TMEM242: variants seen among roughly 807,000 people sequenced by gnomAD.
TMEM242 encodes the protein transmembrane protein 242.
Under a neutral mutation model 18.2 loss-of-function variants are expected in TMEM242, and 10 were observed. That is an observed-to-expected ratio of 0.55 (90% CI 0.34 to 0.93). TMEM242 has a LOEUF of 0.93. Ranked by LOEUF, TMEM242 falls within the 40% of genes least tolerant of loss-of-function variation. TMEM242 has a pLI of 0.02. For synonymous variants in TMEM242, 57 were observed against 69.9 expected (o/e 0.81, Z 0.92); for missense variants, 186 against 175.5 (o/e 1.06, Z -0.34).
At chr6:157,294,134 G>A (rs1297265782) in intron 3 of TMEM242, among the ~76,000 whole-genome samples, 1 of 152,128 alleles carries the variant, frequency 6.6e-6, no homozygotes, top group Non-Finnish European at 1.5e-5. Context: ...GAAGTTAGGT[G>A]ATCTTTACAT....
In TMEM242 at chr6:157,299,484, G is replaced by T. The variant is rs1461735060; in HGVS notation, c.328-6485C>A. On this transcript the variant is annotated intron_variant, in intron 3 of 3. Transcript: ENST00000400788. ...TTTTCAGAGTGGATACCAAGCTTTT[G>T]TCCAAACAAGAAACAAAAACGAGCA... 349 of 1,415,834 alleles carry T rather than the reference G, an allele frequency of 2.5e-4. 1 individual carries two copies. The highest frequency in any genetic ancestry group is 1.4e-3 in the Middle Eastern group (8 of 5,640). 87.7% of individuals were successfully genotyped at this position (1,415,834 alleles called of 1,614,324 possible).
chr6:157,312,552 CAT>C (rs1778197647), intron 3 of TMEM242, among the ~76,000 whole-genome samples: 5 of 144,264 alleles, frequency 3.5e-5, no homozygotes, highest in African/African-American at 5.2e-5. Context: ...CTAGCCTCAT[CAT>C]AGTGCCCCAG....
At position 157,290,233 on chromosome 6, in the gene TMEM242, G is replaced by A. The variant is rs1034336330; in HGVS notation, c.*2668C>T. The A allele has an allele frequency of 6.6e-6, 1 of 152,278 alleles. No homozygotes were observed. Among genetic ancestry groups the A allele is most frequent in the South Asian group, 2.1e-4 (1 of 4,820 alleles). 9.4% of individuals were successfully genotyped at this position (152,278 alleles called of 1,614,324 possible). A position where few individuals can be genotyped will look rare whatever the true frequency, so the allele number is the denominator to read the frequency against. ...ACCCAGTGGAAGCAACAGCCTTACC[G>A]AAAGCCTCCTTAATGTTGGCTTAGA... On this transcript the variant is annotated 3_prime_UTR_variant, in exon 4 of 4. Transcript: ENST00000400788.
At chr6:157,315,452 A>G (rs1778371548) in intron 3 of TMEM242, among the ~76,000 whole-genome samples, 1 of 152,232 alleles carries the variant, frequency 6.6e-6, no homozygotes. Flanking sequence ...CTTCTCAAAC[A>G]TGGAGATCAA....
At chr6:157,299,457 A>G in intron 3 of TMEM242, 1 of 1,364,114 alleles carries the variant, frequency 7.3e-7, no homozygotes, top group Non-Finnish European at 1.0e-6. Flanking sequence ...CATCCGTGGC[A>G]GTTTTCAGAG....
At chr6:157,313,868 T>TGGCCTC (rs1778311527) in intron 3 of TMEM242, among the ~76,000 whole-genome samples, 1 of 15,388 alleles carries the variant, frequency 6.5e-5, no homozygotes, top group African/African-American at 2.7e-4. Context: ...TGCACTCCCC[T>TGGCCTC]AGCCTCATCA....
chr6:157,296,643 A>T (rs1777753667), intron 3 of TMEM242, among the ~76,000 whole-genome samples: 1 of 152,238 alleles, frequency 6.6e-6, no homozygotes, highest in African/African-American at 2.4e-5. Flanking sequence ...AAAGCATGCC[A>T]CTGCACTCCA....
At chr6:157,310,368 C>G (rs1047872660) in intron 3 of TMEM242, among the ~76,000 whole-genome samples, 21 of 139,768 alleles carry the variant, frequency 1.5e-4, no homozygotes, top group Non-Finnish European at 3.3e-4. Context: ...CATAGCATCC[C>G]AGTGTGCACT....
intron 3 of TMEM242, among the ~76,000 whole-genome samples, chr6:157,300,306 G>A (rs1426951683): frequency 6.6e-6 from 1 of 152,252 alleles, no homozygotes; most frequent in Non-Finnish European, 1.5e-5. Context: ...TGTACTTTCC[G>A]TTGGTGCTGA....
intron 3 of TMEM242, among the ~76,000 whole-genome samples, chr6:157,300,379 T>C (rs1554247438): frequency 6.6e-6 from 1 of 152,220 alleles, no homozygotes; most frequent in Non-Finnish European, 1.5e-5. Flanking sequence ...TTACAAAGAG[T>C]ATTCTCATCG....
chr6:157,296,950 T>C (rs1432131982), intron 3 of TMEM242, among the ~76,000 whole-genome samples: 3 of 152,258 alleles, frequency 2.0e-5, no homozygotes, highest in African/African-American at 7.2e-5. Context: ...GGATGTTCTG[T>C]AGATACAATG....
intron 3 of TMEM242, chr6:157,299,097 AG>A (rs1218541899): frequency 4.5e-6 from 2 of 443,226 alleles, no homozygotes. Context: ...ACTCTCTTTC[AG>A]GGGGGCCTCC....
intron 3 of TMEM242, among the ~76,000 whole-genome samples, chr6:157,313,340 G>A (rs1554249711): frequency 7.3e-5 from 11 of 151,712 alleles, no homozygotes; most frequent in Middle Eastern, 3.5e-3. Context: ...TCATCATAGT[G>A]CCCCAGTGTG....
intron 3 of TMEM242, among the ~76,000 whole-genome samples, chr6:157,306,290 G>A (rs1046346420): frequency 4.6e-5 from 7 of 152,200 alleles, no homozygotes; most frequent in East Asian, 3.8e-4. Flanking sequence ...GAGGCAAGGC[G>A]GGAGGCAGGG....
intron 3 of TMEM242, among the ~76,000 whole-genome samples, chr6:157,310,192 T>C (rs905428377): frequency 3.9e-5 from 6 of 152,208 alleles, no homozygotes; most frequent in African/African-American, 1.4e-4. Flanking sequence ...TAAACAAGTG[T>C]AAAAGTCACT....
At chr6:157,304,904 C>A in intron 3 of TMEM242, among the ~76,000 whole-genome samples, 1 of 152,088 alleles carries the variant, frequency 6.6e-6, no homozygotes. Flanking sequence ...AGGCCCTAGG[C>A]AGGAACAGCC....
intron 3 of TMEM242, 63 bp from the exon 4 acceptor site, chr6:157,293,062 ATGGCACCTT>A (rs782366842): frequency 7.5e-5 from 96 of 1,279,966 alleles, no homozygotes; most frequent in Non-Finnish European, 1.0e-4. Flanking sequence ...GCTATTAGAG[ATGGCACCTT>A]TGCTGACTGG....
chr6:157,313,122 G>A (rs78668744), intron 3 of TMEM242, among the ~76,000 whole-genome samples: 217 of 1,808 alleles, frequency 0.12, 6 homozygotes, highest in East Asian at 0.21. Context: ...GTGCTCACCC[G>A]GCCTCATCAT....
intron 3 of TMEM242, among the ~76,000 whole-genome samples, chr6:157,313,431 T>C (rs1778274444): frequency 7.6e-6 from 1 of 131,772 alleles, no homozygotes; most frequent in Non-Finnish European, 1.6e-5. Flanking sequence ...TCACCTGGCC[T>C]CATCATAGTG....
Sources: allele counts gnomAD v4.1 joint callset (sites outside exome capture counted in the v4.1 genomes callset), GRCh38; gene constraint gnomAD v4.1.1; transcripts MANE v1.5; gene names NCBI Gene and HGNC (gene_info 2026-07-23, HGNC 2026-07-21).